CSPP1: variants seen among roughly 807,000 people sequenced by gnomAD.
The protein encoded by CSPP1 is centrosome and spindle pole associated protein 1, also known as centrosome and spindle pole-associated protein 1.
A neutral mutation model predicts 164.4 loss-of-function variants in CSPP1; 126 were observed. The observed-to-expected ratio is 0.77, with a 90% CI of 0.66 to 0.89. The LOEUF is 0.89. Ranked by LOEUF, CSPP1 falls within the 40% of genes least tolerant of loss-of-function variation. The probability of loss-of-function intolerance (pLI) is 0.00; values close to 1 mark genes in which losing one functional copy is unlikely to be tolerated. For missense variants in CSPP1, 1,395 were observed against 1,449.8 expected (o/e 0.96, Z 0.61); for synonymous variants, 472 against 476.7 (o/e 0.99, Z 0.13).
At chr8:67,142,843 A>G (rs1823770921) in intron 17 of CSPP1, among the ~76,000 whole-genome samples, 1 of 152,160 alleles carries the variant, frequency 6.6e-6, no homozygotes, top group Non-Finnish European at 1.5e-5. Context: ...GCATCTTTAA[A>G]CTTTTAGTTA....
intron 15 of CSPP1, among the ~76,000 whole-genome samples, chr8:67,131,416 G>T (rs1821211491): frequency 6.6e-6 from 1 of 152,028 alleles, no homozygotes; most frequent in African/African-American, 2.4e-5. Context: ...GCACTTTATT[G>T]CTTGTGATTT....
At chr8:67,136,779 T>C (rs1241472781) in intron 16 of CSPP1, among the ~76,000 whole-genome samples, 1 of 151,288 alleles carries the variant, frequency 6.6e-6, no homozygotes, top group African/African-American at 2.4e-5. Flanking sequence ...GCATTCCCCT[T>C]GAAAGGATAG....
intron 15 of CSPP1, among the ~76,000 whole-genome samples, chr8:67,130,283 A>G (rs1419500949): frequency 6.6e-6 from 1 of 151,910 alleles, no homozygotes; most frequent in African/African-American, 2.4e-5. Context: ...TTTTTGGGGG[A>G]GTCAGGGAGG....
chr8:67,195,577 C>T lies in CSPP1; in HGVS notation c.3665C>T (p.Ser1222Leu), dbSNP rs768228167. 3 of 1,613,994 alleles carry T rather than the reference C, an allele frequency of 1.9e-6. No homozygotes were observed. Among genetic ancestry groups the T allele is most frequent in the East Asian group, 2.2e-5 (1 of 44,880 alleles). ...KPGTFTWQGLSTAHG is the reference protein window; with the variant it reads ...KPGTFTWQGLLTAHG ...GGCACTTTCACTTGGCAGGGCCTGT[C>T]GACTGCACATGGTTAAAATAAACCT... The change falls in exon 31 of 31, where the codon TCG becomes TTG. Residue 1222 changes from serine to leucine, a missense_variant. Ser to Leu is a moderately radical substitution (Grantham distance 145, BLOSUM62 -2). Coordinates refer to ENST00000678616, the MANE Select transcript of CSPP1 (RefSeq NM_001382391.1).
intron 6 of CSPP1, among the ~76,000 whole-genome samples, chr8:67,094,139 A>AG (rs1241817779): frequency 1.3e-5 from 2 of 150,012 alleles, no homozygotes; most frequent in African/African-American, 2.4e-5. Flanking sequence ...AAAAAAAAAA[A>AG]AAAAAAGGAT....
intron 24 of CSPP1, among the ~76,000 whole-genome samples, chr8:67,171,468 A>G (rs1474814207): frequency 6.6e-6 from 1 of 152,102 alleles, no homozygotes; most frequent in African/African-American, 2.4e-5. Context: ...AGCTTATTGT[A>G]GCCTTGGCCT....
In CSPP1 at chr8:67,164,676, G is replaced by T. The variant is rs73256681; in HGVS notation, c.2828+168G>T. Among the ~76,000 whole-genome samples the T allele has an allele frequency of 5.4e-3, 821 of 152,302 alleles. 7 individuals carry two copies. Among genetic ancestry groups the T allele is most frequent in the African/African-American group, 0.019 (792 of 41,562 alleles). On this transcript the variant is annotated intron_variant, in intron 24 of 30. Transcript: ENST00000678616. ...TCAGCTGTAGAAATTTAGTTCTCAA[G>T]GGGATTCATGTAGGAATGGAAATTT...
chr8:67,070,133 C>G (rs893502749), intron 1 of CSPP1, among the ~76,000 whole-genome samples: 3 of 151,882 alleles, frequency 2.0e-5, no homozygotes, highest in African/African-American at 7.3e-5. Context: ...AGAATTTTTA[C>G]TAGGAAAAAT....
chr8:67,068,794 G>A (rs1406869467), intron 1 of CSPP1, among the ~76,000 whole-genome samples: 2 of 152,156 alleles, frequency 1.3e-5, no homozygotes, highest in African/African-American at 4.8e-5. Context: ...AGATAAGGCC[G>A]CTCTGTGTCT....
chr8:67,142,713 T>A (rs1349715437), intron 17 of CSPP1, among the ~76,000 whole-genome samples: 2 of 152,222 alleles, frequency 1.3e-5, no homozygotes, highest in Non-Finnish European at 2.9e-5. Flanking sequence ...GAATAGTAAG[T>A]GTTTAACTTT....
intron 9 of CSPP1, among the ~76,000 whole-genome samples, chr8:67,110,703 A>G (rs909722184): frequency 6.6e-6 from 1 of 151,748 alleles, no homozygotes; most frequent in African/African-American, 2.4e-5. Context: ...GGTTCTCTTT[A>G]CCTCTTTACC....
At chr8:67,107,129 C>A (rs1325935034) in intron 9 of CSPP1, among the ~76,000 whole-genome samples, 1 of 151,896 alleles carries the variant, frequency 6.6e-6, no homozygotes, top group Admixed American at 6.6e-5. Context: ...CTCACTGCAA[C>A]CTCCACCTCC....
intron 22 of CSPP1, 94 bp downstream of exon 22, chr8:67,162,009 T>A (rs988894626): frequency 6.5e-5 from 53 of 819,050 alleles, no homozygotes; most frequent in Non-Finnish European, 6.0e-6. Context: ...TTTGGATAGG[T>A]TAAATTTTTT....
chr8:67,122,758 T>C (rs1266218735), intron 15 of CSPP1, among the ~76,000 whole-genome samples: 3 of 150,516 alleles, frequency 2.0e-5, no homozygotes, highest in Non-Finnish European at 3.0e-5. Context: ...AGTTGGCTTA[T>C]AGTGTTATTT....
chr8:67,090,362 T>C (rs1385038609), intron 4 of CSPP1, among the ~76,000 whole-genome samples: 1 of 152,154 alleles, frequency 6.6e-6, no homozygotes, highest in Non-Finnish European at 1.5e-5. Context: ...CTTGGCTTGC[T>C]GCAACCTCCG....
intron 1 of CSPP1, among the ~76,000 whole-genome samples, chr8:67,071,072 CAG>C (rs1423912854): frequency 2.0e-5 from 3 of 152,112 alleles, no homozygotes. Context: ...GTTTTAAAAT[CAG>C]TGTTTCTTTT....
At chr8:67,190,510 C>T (rs917464941) in intron 28 of CSPP1, 140 bp from the exon 29 acceptor site, 3 of 631,464 alleles carry the variant, frequency 4.8e-6, no homozygotes, top group South Asian at 3.9e-5. Context: ...AAAAAAATCA[C>T]CGAACTGTGT....
chr8:67,078,921 G>A (rs1315454303), intron 3 of CSPP1, among the ~76,000 whole-genome samples: 8 of 152,028 alleles, frequency 5.3e-5, no homozygotes, highest in Admixed American at 4.6e-4. Context: ...TGCAGTGACC[G>A]AGATCATGCC....
At chr8:67,100,000 C>T (rs1254420900) in intron 7 of CSPP1, among the ~76,000 whole-genome samples, 1 of 152,036 alleles carries the variant, frequency 6.6e-6, no homozygotes, top group Non-Finnish European at 1.5e-5. Context: ...AATCATATGT[C>T]ATTTCATAAA....
Sources: allele counts gnomAD v4.1 joint callset (sites outside exome capture counted in the v4.1 genomes callset), GRCh38; gene constraint gnomAD v4.1.1; transcripts MANE v1.5; gene names NCBI Gene and HGNC (gene_info 2026-07-23, HGNC 2026-07-21).